The following PLAAT1 variants were observed in gnomAD, a reference collection of about 807,000 sequenced individuals.
PLAAT1 encodes the protein phospholipase A and acyltransferase 1, also known as H-REV107 protein-related protein.
In PLAAT1, 13 loss-of-function variants were observed where a neutral mutation model predicts 16.4. That is an observed-to-expected ratio of 0.79 (90% CI 0.52 to 1.26). PLAAT1 has a LOEUF of 1.26. Ranked by LOEUF, PLAAT1 falls within the 50% of genes most tolerant of loss-of-function variation. PLAAT1 has a pLI of 0.00. For missense variants in PLAAT1, 218 were observed against 207.8 expected, an observed-to-expected ratio of 1.05 and a Z score of -0.30; for synonymous variants, 73 against 78.4, an observed-to-expected ratio of 0.93 and a Z score of 0.36.
At chr3:193,248,576 T>C (rs763863226) in intron 1 of PLAAT1, among the ~76,000 whole-genome samples, 1 of 152,112 alleles carries the variant, frequency 6.6e-6, no homozygotes. Flanking sequence ...CTTTTGTGTA[T>C]CTACTAAGAA....
chr3:193,250,385 T>C (rs1716145672), intron 1 of PLAAT1, among the ~76,000 whole-genome samples: 1 of 152,162 alleles, frequency 6.6e-6, no homozygotes, highest in Admixed American at 6.5e-5. Context: ...CTCCCACTCA[T>C]TCTGCCCTAT....
intron 3 of PLAAT1, among the ~76,000 whole-genome samples, chr3:193,264,706 G>A (rs1277702494): frequency 6.6e-6 from 1 of 152,064 alleles, no homozygotes; most frequent in African/African-American, 2.4e-5. Flanking sequence ...TGTTGGCTAG[G>A]CTGGTCTCAT....
intron 1 of PLAAT1, among the ~76,000 whole-genome samples, chr3:193,247,883 T>A (rs1219355010): frequency 1.3e-5 from 2 of 152,200 alleles, no homozygotes; most frequent in African/African-American, 4.8e-5. Context: ...CATGTGCAAT[T>A]GAGAAAAATG....
At chr3:193,279,361 C>T (rs759764776), downstream of PLAAT1, 14 of 1,610,008 alleles carry the variant, frequency 8.7e-6, no homozygotes, top group African/African-American at 5.3e-5. Flanking sequence ...ATGAATGCCA[C>T]TTACCTCCAT....
At chr3:193,252,652 TC>T (rs555155359) in intron 1 of PLAAT1, among the ~76,000 whole-genome samples, 51 of 152,294 alleles carry the variant, frequency 3.3e-4, no homozygotes, top group African/African-American at 1.2e-3. Context: ...AAAATTTTTC[TC>T]CTATGTTTTT....
chr3:193,268,018 T>C (rs1716838760), intron 3 of PLAAT1, among the ~76,000 whole-genome samples: 1 of 152,236 alleles, frequency 6.6e-6, no homozygotes, highest in Non-Finnish European at 1.5e-5. Context: ...CCTTGCCTAC[T>C]TTTTAATTCA....
At chr3:193,254,232 G>C (rs561195179) in intron 1 of PLAAT1, among the ~76,000 whole-genome samples, 3 of 152,238 alleles carry the variant, frequency 2.0e-5, no homozygotes, top group East Asian at 3.9e-4. Context: ...CTTTTCAACA[G>C]ATGGCATACA....
At chr3:193,276,735 T>G (rs376052913) in intron 2 of PLAAT1, 7 of 1,550,486 alleles carry the variant, frequency 4.5e-6, no homozygotes, top group Non-Finnish European at 6.2e-6. Flanking sequence ...AGAAAAAATA[T>G]AGAGATTACT....
chr3:193,276,172 A>C (rs2108810753), intron 2 of PLAAT1, among the ~76,000 whole-genome samples: 1 of 152,348 alleles, frequency 6.6e-6, no homozygotes, highest in South Asian at 2.1e-4. Context: ...TTTTCCAAAA[A>C]GTCTTAAAGC....
intron 1 of PLAAT1, among the ~76,000 whole-genome samples, chr3:193,245,714 G>T (rs544819520): frequency 6.6e-6 from 1 of 152,022 alleles, no homozygotes; most frequent in African/African-American, 2.4e-5. Flanking sequence ...ATCATTTTTG[G>T]TAACAGCCCT....
intron 1 of PLAAT1, among the ~76,000 whole-genome samples, chr3:193,242,463 A>G (rs1715805606): frequency 6.6e-6 from 1 of 152,120 alleles, no homozygotes; most frequent in Non-Finnish European, 1.5e-5. Context: ...GGGCACTTGG[A>G]AATGGGCATT....
At chr3:193,281,080 A>G, downstream of PLAAT1, 1 of 490,628 alleles carries the variant, frequency 2.0e-6, no homozygotes, top group South Asian at 8.8e-5. Flanking sequence ...TGGGAAGGGT[A>G]TGAGGCAGAC....
chr3:193,267,599 A>G (rs930257251), intron 3 of PLAAT1, among the ~76,000 whole-genome samples: 1 of 152,034 alleles, frequency 6.6e-6, no homozygotes, highest in Non-Finnish European at 1.5e-5. Context: ...CACCTTATTT[A>G]TCCATTCACC....
intron 1 of PLAAT1, among the ~76,000 whole-genome samples, chr3:193,247,932 T>C (rs1488186732): frequency 6.6e-6 from 1 of 152,210 alleles, no homozygotes; most frequent in Non-Finnish European, 1.5e-5. Flanking sequence ...TCTGTAAATA[T>C]TTGTTAGGTC....
At chr3:193,276,853 A>G in intron 2 of PLAAT1, 1 of 1,566,766 alleles carries the variant, frequency 6.4e-7, no homozygotes, top group Non-Finnish European at 8.8e-7. Flanking sequence ...AAATACCATT[A>G]TTATATTTTG....
At position 193,263,111 on chromosome 3, in the gene PLAAT1, C is replaced by A. The variant is rs770371249; in HGVS notation, c.281C>A (p.Pro94His). Residue 94 changes from proline to histidine, a missense_variant, in exon 3 of 4, where the codon CCT becomes CAT. By Grantham distance (77) the Pro-to-His change is moderately conservative. Coordinates refer to ENST00000264735, the MANE Select transcript of PLAAT1 (RefSeq NM_020386.5). ...TACGATGAAACGTACCCCCCTCTCCCTGTGGAAGAAATCATAAAGCGGTCA... is the reference window on the plus strand; with the variant it reads ...TACGATGAAACGTACCCCCCTCTCCATGTGGAAGAAATCATAAAGCGGTCA... Reference protein sequence around the residue: ...NKYDETYPPLPVEEIIKRSEF... With the variant: ...NKYDETYPPLHVEEIIKRSEF... The A allele has an allele frequency of 6.2e-7, 1 of 1,614,206 alleles. No homozygotes were observed. The highest frequency in any genetic ancestry group is 1.1e-5 in the South Asian group (1 of 91,076).
At chr3:193,250,448 T>C (rs1716148648) in intron 1 of PLAAT1, among the ~76,000 whole-genome samples, 1 of 152,164 alleles carries the variant, frequency 6.6e-6, no homozygotes, top group Non-Finnish European at 1.5e-5. Context: ...ACTGCTCACA[T>C]TGGACCTGGA....
At chr3:193,245,095 C>T (rs186834006) in intron 1 of PLAAT1, among the ~76,000 whole-genome samples, 7 of 152,236 alleles carry the variant, frequency 4.6e-5, no homozygotes, top group African/African-American at 1.7e-4. Flanking sequence ...ATATGCAGTA[C>T]ATTATTATGT....
chr3:193,241,393 C>T lies in PLAAT1; in HGVS notation c.-141C>T, dbSNP rs1157773877. The T allele has an allele frequency of 1.6e-5, 20 of 1,231,650 alleles. No homozygotes were observed. The highest frequency in any genetic ancestry group is 1.9e-5 in the Non-Finnish European group (19 of 988,016). 76.3% of individuals were successfully genotyped at this position (1,231,650 alleles called of 1,614,324 possible). ...GGCCCCGAGTGATGGCTGGCGCCTG[C>T]CTCCCGGGTGTCTCCCGGGTACAGA... On this transcript the variant is annotated 5_prime_UTR_variant, in exon 1 of 4. Transcript: ENST00000264735.
Sources: allele counts gnomAD v4.1 joint callset (sites outside exome capture counted in the v4.1 genomes callset), GRCh38; gene constraint gnomAD v4.1.1; transcripts MANE v1.5; gene names NCBI Gene and HGNC (gene_info 2026-07-23, HGNC 2026-07-21).